Variants in ZNF214 observed in about 807,000 individuals in gnomAD.
ZNF214 encodes the protein zinc finger protein 214, also known as BWSCR2-associated zinc finger protein 1.
ZNF214 carries 43 observed loss-of-function variants against 53.9 expected under a neutral mutation model. The ratio of observed to expected loss-of-function variants is 0.80; its 90% confidence interval spans 0.63 to 1.03. ZNF214 has a LOEUF of 1.03. Among genes scored for constraint, ZNF214 ranks in the 50% least tolerant of loss-of-function variants. The pLI, the probability that ZNF214 is intolerant of heterozygous loss-of-function variation, is 0.00. For missense variants in ZNF214, 724 were observed against 719.1 expected, an observed-to-expected ratio of 1.01 and a Z score of -0.08; for synonymous variants, 217 against 229.5, an observed-to-expected ratio of 0.95 and a Z score of 0.49.
chr11:7,012,900 T>C (rs1296502809), intron 1 of ZNF214, among the ~76,000 whole-genome samples: 1 of 152,140 alleles, frequency 6.6e-6, no homozygotes, highest in Non-Finnish European at 1.5e-5. Context: ...TTTTTTTTTC[T>C]GGGTCACAAA....
rs75468699 is a variant in ZNF214, at chr11:6,997,924, T to A, written c.*1938A>T. On this transcript the variant is annotated 3_prime_UTR_variant, in exon 3 of 3. Transcript: ENST00000278314. ...AGCATTTGTATATTTTTATTGCACA[T>A]TTAATTTTTTGAAGTTTTGGAAACT... Among the ~76,000 whole-genome samples the A allele has an allele frequency of 6.3e-3, 960 of 152,062 alleles. 9 individuals are homozygous for A. Among genetic ancestry groups the A allele is most frequent in the Non-Finnish European group, 8.4e-3 (570 of 67,884 alleles).
At chr11:7,017,082 A>C (rs1237312634) in intron 1 of ZNF214, among the ~76,000 whole-genome samples, 5 of 152,226 alleles carry the variant, frequency 3.3e-5, no homozygotes, top group Admixed American at 6.5e-5. Context: ...AAAATTCAGT[A>C]GGAAAACAGT....
chr11:7,002,389 C>A (rs1851375571), intron 2 of ZNF214, among the ~76,000 whole-genome samples: 1 of 151,622 alleles, frequency 6.6e-6, no homozygotes, highest in South Asian at 2.1e-4. Flanking sequence ...GTATGTTATA[C>A]AACAAAAGCT....
Position 7,002,731 on chromosome 11 carries a change from GT to G in ZNF214, c.104del (p.Asn35ThrfsTer8), listed in dbSNP as rs1397167091. ...TACCTACTGACATGACATTTGTGTA[GT>G]TCTCCCACATGACCTCCCTGTAGAG... is the stretch of plus-strand genomic sequence containing the variant. ...KRLYREVMWE[N>X]YTNVMSVENW... On this transcript the variant is annotated frameshift_variant, in exon 2 of 3. Coordinates refer to ENST00000278314, the MANE Select transcript of ZNF214 (RefSeq NM_013249.4). LOFTEE classifies it high-confidence loss of function. 3.1e-6 allele frequency: 5 copies of G among 1,605,736 alleles called. No individual in the cohort carries two copies. In the African/African-American group the frequency reaches 5.4e-5, roughly 17 times the overall value.
At chr11:7,002,666 T>C (rs1851380843) in intron 2 of ZNF214, 43 bp downstream of exon 2, 1 of 1,516,712 alleles carries the variant, frequency 6.6e-7, no homozygotes, top group Admixed American at 2.4e-5. Flanking sequence ...ACAAAACTGC[T>C]CCTAGAAGAA....
At chr11:7,014,821 A>C (rs977251173) in intron 1 of ZNF214, among the ~76,000 whole-genome samples, 1 of 68,980 alleles carries the variant, frequency 1.4e-5, no homozygotes, top group South Asian at 4.6e-4. Context: ...AAAAAAAAAC[A>C]AAAAAAAAAC....
intron 1 of ZNF214, among the ~76,000 whole-genome samples, chr11:7,004,438 AT>A (rs1230397403): frequency 6.6e-6 from 1 of 152,012 alleles, no homozygotes; most frequent in East Asian, 1.9e-4. Context: ...ATTTGTGATA[AT>A]TTTTAAACAT....
chr11:7,014,327 C>T (rs1012356112), intron 1 of ZNF214, among the ~76,000 whole-genome samples: 18 of 152,112 alleles, frequency 1.2e-4, no homozygotes, highest in Non-Finnish European at 4.4e-5. Flanking sequence ...AATGCTGTAA[C>T]AGCAAAAAAC....
In ZNF214 at chr11:7,002,745, C is replaced by T. The variant is rs367991117; in HGVS notation, c.91G>A (p.Val31Ile). ...ACATTTGTGTAGTTCTCCCACATGACCTCCCTGTAGAGTCTTTTTTGAGAA... is the reference window on the plus strand; with the variant it reads ...ACATTTGTGTAGTTCTCCCACATGATCTCCCTGTAGAGTCTTTTTTGAGAA... The part of the protein sequence containing the change: ...DSSQKRLYRE[V>I]MWENYTNVMS... The change falls in exon 2 of 3, where the codon GTC becomes ATC. Residue 31 changes from valine to isoleucine, a missense_variant. Transcript: ENST00000278314. 2 of 1,607,996 alleles carry T rather than the reference C, an allele frequency of 1.2e-6. No individual in the cohort carries two copies. The highest frequency in any genetic ancestry group is 1.1e-5 in the South Asian group (1 of 90,196).
At chr11:7,008,684 T>C (rs7941494) in intron 1 of ZNF214, among the ~76,000 whole-genome samples, 6,423 of 151,974 alleles carry the variant, frequency 0.042, 451 homozygotes, top group African/African-American at 0.14. Flanking sequence ...ACCTAGAAAA[T>C]CCCAGAGTCT....
intron 1 of ZNF214, among the ~76,000 whole-genome samples, chr11:7,011,224 A>C (rs1324632783): frequency 6.6e-6 from 1 of 152,086 alleles, no homozygotes; most frequent in Non-Finnish European, 1.5e-5. Flanking sequence ...GATACAAATA[A>C]AATTAAATTA....
At chr11:7,008,297 G>C (rs766333441) in intron 1 of ZNF214, among the ~76,000 whole-genome samples, 7 of 152,070 alleles carry the variant, frequency 4.6e-5, no homozygotes, top group Non-Finnish European at 1.0e-4. Context: ...GCCAGGCATG[G>C]TGGCCCACAC....
At chr11:7,007,916 A>T (rs553165982) in intron 1 of ZNF214, among the ~76,000 whole-genome samples, 13 of 152,190 alleles carry the variant, frequency 8.5e-5, no homozygotes, top group Non-Finnish European at 1.6e-4. Flanking sequence ...AGAATACATT[A>T]TCTAGCTACA....
intron 1 of ZNF214, among the ~76,000 whole-genome samples, chr11:7,018,551 G>C (rs1400438795): frequency 1.5e-5 from 2 of 134,406 alleles, no homozygotes; most frequent in African/African-American, 2.8e-5. Context: ...GCCCAGGTTG[G>C]AGTGCAGTGG....
chr11:7,016,291 A>G (rs956150966), intron 1 of ZNF214, among the ~76,000 whole-genome samples: 2 of 152,216 alleles, frequency 1.3e-5, no homozygotes, highest in Non-Finnish European at 2.9e-5. Context: ...TCACAGTATT[A>G]AGAAGTGACA....
chr11:7,001,399 A>T lies in ZNF214; in HGVS notation c.284T>A (p.Leu95His). Residue 95 changes from leucine (L) to histidine (H), a missense_variant, in exon 3 of 3, where the codon CTC becomes CAC. Transcript: ENST00000278314. ...ETVQGTDSKD[L>H]TQQDRSQCQE... ...ACACTGGGAACGATCTTGCTGTGTG[A>T]GGTCTTTGGAATCTGTCCCTTGAAC... 1 of 1,613,240 alleles carries T rather than the reference A, an allele frequency of 6.2e-7. No homozygotes were observed. The highest frequency in any genetic ancestry group is 8.5e-7 in the Non-Finnish European group (1 of 1,179,412).
chr11:7,004,914 G>C (rs1018372494), intron 1 of ZNF214, among the ~76,000 whole-genome samples: 2 of 151,972 alleles, frequency 1.3e-5, no homozygotes, highest in African/African-American at 4.8e-5. Flanking sequence ...GATAATGTTT[G>C]CTGTTTTAAG....
intron 1 of ZNF214, among the ~76,000 whole-genome samples, chr11:7,009,156 G>A (rs1409490693): frequency 6.6e-6 from 1 of 152,022 alleles, no homozygotes; most frequent in Non-Finnish European, 1.5e-5. Context: ...AAAGCTGGAG[G>A]CATCACATTA....
intron 2 of ZNF214, 80 bp downstream of exon 2, chr11:7,002,629 C>T (rs1217058844): frequency 1.4e-6 from 2 of 1,400,606 alleles, no homozygotes; most frequent in African/African-American, 1.5e-5. Flanking sequence ...CTCAATATAA[C>T]ACCCAGATAA....
Sources: allele counts gnomAD v4.1 joint callset (sites outside exome capture counted in the v4.1 genomes callset), GRCh38; gene constraint gnomAD v4.1.1; transcripts MANE v1.5; gene names NCBI Gene and HGNC (gene_info 2026-07-23, HGNC 2026-07-21).